Variants in NFATC2 observed in about 807,000 individuals in gnomAD.
The protein encoded by NFATC2 is nuclear factor of activated T cells 2.
In NFATC2, 22 loss-of-function variants were observed where a neutral mutation model predicts 87.3. That is an observed-to-expected ratio of 0.25 (90% CI 0.18 to 0.36). The LOEUF (loss-of-function observed/expected upper bound fraction) is 0.36, where lower values mean the gene tolerates loss of function less well. Among genes scored for constraint, NFATC2 ranks in the 10% least tolerant of loss-of-function variants. The probability of loss-of-function intolerance (pLI) is 1.00; values close to 1 mark genes in which losing one functional copy is unlikely to be tolerated. For missense variants in NFATC2, 1,149 were observed against 1,259.1 expected, an observed-to-expected ratio of 0.91 and a Z score of 1.32; for synonymous variants, 565 against 542.2, an observed-to-expected ratio of 1.04 and a Z score of -0.58.
chr20:51,523,975 G>A lies in NFATC2; in HGVS notation c.266C>T (p.Pro89Leu), dbSNP rs556060763. ...AAACTTCTGCGGCCCTACCCTATCC[G>A]GCTCTCCGAATCGGCCGGGGGGCTC... ...SGEPPGRFGE[P>L]DRVGPQKFLS... Residue 89 changes from proline (P) to leucine (L), a missense_variant, in exon 2 of 11, where the codon CCG (proline) becomes CTG (leucine). Pro to Leu is a moderately conservative substitution (Grantham distance 98). Coordinates refer to ENST00000371564, the MANE Select transcript of NFATC2 (RefSeq NM_012340.5). This position sits in a 1 kb window ranked among gnomAD's most constrained non-coding sequence, Gnocchi z 6.9. The A allele has an allele frequency of 2.5e-6, 4 of 1,579,536 alleles. No individual in the cohort carries two copies. Among genetic ancestry groups the A allele is most frequent in the South Asian group, 2.3e-5 (2 of 85,684 alleles).
At chr20:51,431,527 T>G (rs776565679) in intron 9 of NFATC2, among the ~76,000 whole-genome samples, 11 of 152,182 alleles carry the variant, frequency 7.2e-5, no homozygotes, top group Non-Finnish European at 1.3e-4. Context: ...GCATCTCTGT[T>G]CCACGAGCAC....
chr20:51,556,888 G>T (rs912152242), intron 1 of NFATC2, among the ~76,000 whole-genome samples: 2 of 152,206 alleles, frequency 1.3e-5, no homozygotes, highest in African/African-American at 4.8e-5. Context: ...CAGAGAGAGG[G>T]GATGGGGGCT....
chr20:51,493,775 G>A (rs1207087145), intron 3 of NFATC2, among the ~76,000 whole-genome samples: 2 of 152,148 alleles, frequency 1.3e-5, no homozygotes, highest in Non-Finnish European at 2.9e-5. Context: ...GGCAACCTCA[G>A]CACCATGTCC....
At chr20:51,448,060 G>A (rs1258434023) in intron 6 of NFATC2, among the ~76,000 whole-genome samples, 1 of 152,166 alleles carries the variant, frequency 6.6e-6, no homozygotes, top group African/African-American at 2.4e-5. Context: ...GCTATGTGCC[G>A]GGGACCACTC....
At chr20:51,442,603 T>G (rs529951229) in intron 6 of NFATC2, among the ~76,000 whole-genome samples, 1 of 152,208 alleles carries the variant, frequency 6.6e-6, no homozygotes, top group Admixed American at 6.5e-5. Context: ...TGGGCCTGAA[T>G]GCGTGAGGTG....
chr20:51,390,859 T>G lies in NFATC2; in HGVS notation c.*637A>C. 5.1e-6 allele frequency: 1 copy of G among 195,642 alleles called. No homozygotes were observed. The highest frequency in any genetic ancestry group is 1.1e-5 in the Non-Finnish European group (1 of 92,528). 12.1% of individuals were successfully genotyped at this position (195,642 alleles called of 1,614,324 possible). On this transcript the variant is annotated 3_prime_UTR_variant, in exon 11 of 11. Coordinates refer to ENST00000371564, the MANE Select transcript of NFATC2 (RefSeq NM_012340.5). ...CATGGACTGGGCGAGCTCTAAGGAC[T>G]GACAGTTCAGTTTCTGTCTCTATCG...
At chr20:51,482,263 C>G (rs1989326947) in intron 3 of NFATC2, among the ~76,000 whole-genome samples, 1 of 152,148 alleles carries the variant, frequency 6.6e-6, no homozygotes, top group Admixed American at 6.6e-5. Flanking sequence ...TTCAGACTCA[C>G]CCCTGCCTGC....
Position 51,524,354 on chromosome 20 carries a change from G to A in NFATC2, c.131-244C>T, listed in dbSNP as rs6067807. Among the ~76,000 whole-genome samples the A allele has an allele frequency of 6.6e-6, 1 of 151,948 alleles. No individual in the cohort carries two copies. Among genetic ancestry groups the A allele is most frequent in the Non-Finnish European group, 1.5e-5 (1 of 67,984 alleles). ...GGAAGACCCCTGGGCTAAGGGCCTCGAAACTTGGCTTTAAATGAAACCCTT... is the reference window on the plus strand; with the variant it reads ...GGAAGACCCCTGGGCTAAGGGCCTCAAAACTTGGCTTTAAATGAAACCCTT... On this transcript the variant is annotated intron_variant, in intron 1 of 10. Transcript: ENST00000371564. The surrounding 1 kb of genome is among the most constrained non-coding windows in gnomAD (Gnocchi z 4.0).
At chr20:51,479,635 C>T (rs2146534067) in intron 3 of NFATC2, among the ~76,000 whole-genome samples, 1 of 152,184 alleles carries the variant, frequency 6.6e-6, no homozygotes, top group Non-Finnish European at 1.5e-5. Context: ...AATAAACCAA[C>T]AAAAAACAGT....
intron 1 of NFATC2, among the ~76,000 whole-genome samples, chr20:51,551,761 C>T (rs904771306): frequency 6.6e-6 from 1 of 152,060 alleles, no homozygotes; most frequent in Non-Finnish European, 1.5e-5. Flanking sequence ...CACACAGTGG[C>T]TCATGCCTGT....
intron 5 of NFATC2, among the ~76,000 whole-genome samples, chr20:51,470,917 G>T (rs1331369664): frequency 1.3e-5 from 2 of 152,114 alleles, no homozygotes; most frequent in Non-Finnish European, 2.9e-5. Flanking sequence ...GCAAGAGAGG[G>T]TGGGTTATGG....
chr20:51,407,795 G>A lies in NFATC2; in HGVS notation c.2723-9065C>T, dbSNP rs567941771. On this transcript the variant is annotated intron_variant, in intron 9 of 10. Transcript: ENST00000371564. ...AGAACCGTGGAGTCTGGAACCCTAA[G>A]CCTTCACTTTCCACTCGGTCCAACT... Among the ~76,000 whole-genome samples the A allele has an allele frequency of 1.9e-3, 290 of 152,318 alleles. 1 individual carries two copies. The highest frequency in any genetic ancestry group is 6.5e-3 in the African/African-American group (271 of 41,566).
chr20:51,411,515 T>C (rs12479716), intron 9 of NFATC2, among the ~76,000 whole-genome samples: 1 of 135,936 alleles, frequency 7.4e-6, no homozygotes, highest in Non-Finnish European at 1.5e-5. Flanking sequence ...AATGCAATTG[T>C]CTTTTTTTTT....
At chr20:51,395,399 T>G (rs1986915214) in intron 10 of NFATC2, among the ~76,000 whole-genome samples, 1 of 152,230 alleles carries the variant, frequency 6.6e-6, no homozygotes, top group African/African-American at 2.4e-5. Context: ...CTGTGTCATT[T>G]GCGTGAAGTC....
chr20:51,442,606 G>C (rs762496518), intron 6 of NFATC2, among the ~76,000 whole-genome samples: 1 of 152,066 alleles, frequency 6.6e-6, no homozygotes, highest in Admixed American at 6.5e-5. Flanking sequence ...GCCTGAATGC[G>C]TGAGGTGAGA....
intron 3 of NFATC2, among the ~76,000 whole-genome samples, chr20:51,481,933 C>T (rs1442040881): frequency 2.0e-5 from 3 of 152,144 alleles, no homozygotes; most frequent in African/African-American, 7.2e-5. Context: ...ATCTCCATAA[C>T]AATGCTCAGA....
intron 1 of NFATC2, among the ~76,000 whole-genome samples, chr20:51,555,464 G>A (rs2076969996): frequency 6.6e-6 from 1 of 152,110 alleles, no homozygotes; most frequent in Admixed American, 6.5e-5. Flanking sequence ...GTGGTGGCGG[G>A]CGCCTGTAGT....
At chr20:51,553,814 T>G (rs2076954981) in intron 1 of NFATC2, among the ~76,000 whole-genome samples, 1 of 151,142 alleles carries the variant, frequency 6.6e-6, no homozygotes, top group Non-Finnish European at 1.5e-5. Flanking sequence ...AGGTAGAACC[T>G]CAAGGGGCAG....
chr20:51,491,012 C>T lies in NFATC2; in HGVS notation c.1333-15352G>A, dbSNP rs190251552. The stretch of plus-strand genomic sequence containing the variant: ...ATTAAGAAAACCACCCAGGTCAGTG[C>T]CCAGACACAAGAGGTGCTCAGCAAA... On this transcript the variant is annotated intron_variant, in intron 3 of 10. Transcript: ENST00000371564. Among the ~76,000 whole-genome samples, 523 of 152,180 alleles carry T rather than the reference C, an allele frequency of 3.4e-3. 4 individuals are homozygous for T. Among genetic ancestry groups the T allele is most frequent in the African/African-American group, 0.011 (476 of 41,512 alleles).
Sources: allele counts gnomAD v4.1 joint callset (sites outside exome capture counted in the v4.1 genomes callset), GRCh38; gene constraint gnomAD v4.1.1; non-coding constraint Gnocchi (gnomAD v3.1); transcripts MANE v1.5; gene names NCBI Gene and HGNC (gene_info 2026-07-23, HGNC 2026-07-21).